TMEM178B: variants seen among roughly 807,000 people sequenced by gnomAD.
The protein encoded by TMEM178B is transmembrane protein 178B.
In TMEM178B, 5 loss-of-function variants were observed where a neutral mutation model predicts 31.0. The ratio of observed to expected loss-of-function variants is 0.16; its 90% CI spans 0.08 to 0.34. TMEM178B has a LOEUF of 0.34. TMEM178B is among the 10% of genes least tolerant of loss of function. The pLI is 1.00. For synonymous variants in TMEM178B, 164 were observed against 164.0 expected, an observed-to-expected ratio of 1.00 and a Z score of 0.00; for missense variants, 275 against 400.3, an observed-to-expected ratio of 0.69 and a Z score of 2.67.
chr7:141,092,024 C>T (rs1408055594), intron 1 of TMEM178B, among the ~76,000 whole-genome samples: 1 of 152,146 alleles, frequency 6.6e-6, no homozygotes, highest in Non-Finnish European at 1.5e-5. Flanking sequence ...TACCACACCC[C>T]ACCTAATGTA....
chr7:141,504,577 T>G, the TMEM178B span, among the ~76,000 whole-genome samples: 1 of 152,256 alleles, frequency 6.6e-6, no homozygotes, highest in Non-Finnish European at 1.5e-5. Flanking sequence ...CTCAAAATGT[T>G]CTAATGTTAA....
At chr7:141,227,498 A>G (rs1797365197) in intron 2 of TMEM178B, among the ~76,000 whole-genome samples, 1 of 152,220 alleles carries the variant, frequency 6.6e-6, no homozygotes, top group Non-Finnish European at 1.5e-5. Context: ...GAATATTATT[A>G]TTATATCTGT....
chr7:141,290,553 G>A (rs1029344040), intron 2 of TMEM178B, among the ~76,000 whole-genome samples: 5 of 151,372 alleles, frequency 3.3e-5, no homozygotes, highest in South Asian at 2.1e-4. Context: ...ACACATACAC[G>A]TGCATGCACA....
At chr7:141,327,544 T>G (rs1799214969) in intron 2 of TMEM178B, among the ~76,000 whole-genome samples, 2 of 152,166 alleles carry the variant, frequency 1.3e-5, no homozygotes, top group Non-Finnish European at 2.9e-5. Flanking sequence ...TTTCATGAAT[T>G]TTGACAACTA....
intron 1 of TMEM178B, among the ~76,000 whole-genome samples, chr7:141,181,870 C>T (rs922556103): frequency 6.6e-6 from 1 of 152,168 alleles, no homozygotes; most frequent in African/African-American, 2.4e-5. Context: ...TACTGGCTGC[C>T]CAACTAGGAG....
chr7:141,333,902 G>T (rs1263109198), intron 2 of TMEM178B, among the ~76,000 whole-genome samples: 2 of 152,218 alleles, frequency 1.3e-5, no homozygotes, highest in African/African-American at 4.8e-5. Context: ...GAATCTAATG[G>T]CGCAGCTGAT....
intron 3 of TMEM178B, among the ~76,000 whole-genome samples, chr7:141,463,017 G>T (rs1159414021): frequency 1.3e-5 from 2 of 152,140 alleles, no homozygotes; most frequent in Non-Finnish European, 2.9e-5. Flanking sequence ...TACAGACGGG[G>T]ACACTGGAGC....
intron 1 of TMEM178B, among the ~76,000 whole-genome samples, chr7:141,165,199 C>G (rs1261076836): frequency 6.6e-6 from 1 of 151,856 alleles, no homozygotes; most frequent in Admixed American, 6.6e-5. Context: ...TCCTTTTTGG[C>G]TCCAGGATCC....
At chr7:141,267,961 G>C (rs1285740250) in intron 2 of TMEM178B, among the ~76,000 whole-genome samples, 1 of 152,226 alleles carries the variant, frequency 6.6e-6, no homozygotes, top group East Asian at 1.9e-4. Flanking sequence ...AGCTGATAAA[G>C]AGGCACGAGC....
At chr7:141,199,101 G>C (rs115225710) in intron 1 of TMEM178B, among the ~76,000 whole-genome samples, 1 of 152,172 alleles carries the variant, frequency 6.6e-6, no homozygotes, top group Non-Finnish European at 1.5e-5. Context: ...GACGGAGACA[G>C]CTCATTCTTT....
chr7:141,266,543 A>C (rs1798097504), intron 2 of TMEM178B, among the ~76,000 whole-genome samples: 1 of 152,174 alleles, frequency 6.6e-6, no homozygotes, highest in African/African-American at 2.4e-5. Context: ...AGGAGGAGTA[A>C]CAAAGGTGTG....
the TMEM178B span, among the ~76,000 whole-genome samples, chr7:141,490,321 A>G: frequency 6.6e-6 from 1 of 152,220 alleles, no homozygotes; most frequent in African/African-American, 2.4e-5. Flanking sequence ...AAGATGAAGT[A>G]ATTAGACTTG....
chr7:141,161,824 GGTGA>G (rs573117427), intron 1 of TMEM178B, among the ~76,000 whole-genome samples: 35 of 152,024 alleles, frequency 2.3e-4, no homozygotes, highest in Non-Finnish European at 4.0e-4. Flanking sequence ...TTGTGAGGGT[GGTGA>G]GTGTGTGAGA....
intron 3 of TMEM178B, among the ~76,000 whole-genome samples, chr7:141,455,190 C>A (rs866942189): frequency 6.6e-6 from 1 of 152,138 alleles, no homozygotes; most frequent in African/African-American, 2.4e-5. Flanking sequence ...ATAGAAAACT[C>A]GTGTCCCTTC....
intron 2 of TMEM178B, among the ~76,000 whole-genome samples, chr7:141,280,220 A>G (rs1798333360): frequency 6.6e-6 from 1 of 152,048 alleles, no homozygotes; most frequent in Non-Finnish European, 1.5e-5. Flanking sequence ...TTTTCATTGA[A>G]TGAGTTGAAA....
intron 1 of TMEM178B, among the ~76,000 whole-genome samples, chr7:141,088,276 C>T (rs926384586): frequency 2.6e-5 from 4 of 152,020 alleles, no homozygotes; most frequent in Admixed American, 2.0e-4. Context: ...TTCTTTCCTT[C>T]CTCGTGTGCA....
chr7:141,308,332 A>T (rs1307121293), intron 2 of TMEM178B, among the ~76,000 whole-genome samples: 1 of 152,210 alleles, frequency 6.6e-6, no homozygotes, highest in East Asian at 1.9e-4. Flanking sequence ...CTCTGTGGGA[A>T]ACATTGGAAA....
At chr7:141,304,995 A>G (rs1210227715) in intron 2 of TMEM178B, among the ~76,000 whole-genome samples, 1 of 152,188 alleles carries the variant, frequency 6.6e-6, no homozygotes, top group Non-Finnish European at 1.5e-5. Flanking sequence ...GACAAGCAGA[A>G]TAACTTTTCT....
rs114654027 is a variant in TMEM178B at position 141,400,443 on chromosome 7, G to C, written c.497-37165G>C. Among the ~76,000 whole-genome samples, 430 of 152,126 alleles carry C rather than the reference G, an allele frequency of 2.8e-3. 4 individuals carry two copies. The highest frequency in any genetic ancestry group is 9.7e-3 in the African/African-American group (401 of 41,466). ...GGGAGGTATGTATCCCTTAGCTTGG[G>C]CCAGTTCTGCCCTTCTTTTTCCAAG... On this transcript the variant is annotated intron_variant, in intron 2 of 3. Coordinates refer to ENST00000565468, the MANE Select transcript of TMEM178B (RefSeq NM_001195278.2).
Sources: gnomAD v4.1 joint callset for allele counts (sites outside exome capture counted in the v4.1 genomes callset) on GRCh38, gnomAD v4.1.1 for gene constraint, MANE v1.5 for transcripts, NCBI Gene and HGNC (gene_info 2026-07-23, HGNC 2026-07-21) for gene names.